LRCH1: variants seen among roughly 807,000 people sequenced by gnomAD.
The protein encoded by LRCH1 is leucine rich repeats and calponin homology domain containing 1.
LRCH1 carries 23 observed loss-of-function variants against 94.9 expected under a neutral mutation model. That is an observed-to-expected ratio of 0.24 (90% confidence interval 0.17 to 0.34). The LOEUF (loss-of-function observed/expected upper bound fraction) is 0.34, where lower values mean the gene tolerates loss of function less well. Among genes scored for constraint, LRCH1 ranks in the 10% least tolerant of loss-of-function variants. The pLI is 1.00. For synonymous variants in LRCH1, 364 were observed against 354.9 expected (o/e 1.03, Z -0.29); for missense variants, 790 against 945.9 (o/e 0.84, Z 2.16).
intron 16 of LRCH1, among the ~76,000 whole-genome samples, chr13:46,720,246 G>T (rs1872536606): frequency 6.6e-6 from 1 of 152,008 alleles, no homozygotes; most frequent in African/African-American, 2.4e-5. Flanking sequence ...ACTTAGCCAG[G>T]CATGGTGGTG....
rs1328294161 is a variant in LRCH1, at chr13:46,742,087, C to G, written c.*239C>G. The stretch of plus-strand genomic sequence containing the variant: ...AACGACGACGACTGCAAAGTGTATG[C>G]ACACCGCATGCTTCCTCATCCACAT... On this transcript the variant is annotated 3_prime_UTR_variant, in exon 20 of 20. Coordinates refer to ENST00000389797, the MANE Select transcript of LRCH1 (RefSeq NM_001164211.2). 5 of 1,367,334 alleles carry G rather than the reference C, an allele frequency of 3.7e-6. No homozygotes were observed. The highest frequency in any genetic ancestry group is 3.1e-5 in the Admixed American group (1 of 32,076). 84.7% of individuals were successfully genotyped at this position (1,367,334 alleles called of 1,614,324 possible). A position where few individuals can be genotyped will look rare whatever the true frequency, so the allele number is the denominator to read the frequency against.
In LRCH1 at chr13:46,699,411, C is replaced by T. The variant is rs1345155960; in HGVS notation, c.1313+8C>T. 2.5e-6 allele frequency: 4 copies of T among 1,612,676 alleles called. No individual in the cohort carries two copies. On this transcript the variant is annotated splice_region_variant and intron_variant, in intron 10 of 19. Transcript: ENST00000389797. ...CTGGCAAACTGAGGGCATGTGAGTG[C>T]CGAGGCCTTGGTTACAAGCCATCAT... is the stretch of plus-strand genomic sequence containing the variant.
intron 19 of LRCH1, among the ~76,000 whole-genome samples, chr13:46,736,991 A>G (rs7329546): frequency 0.013 from 2,001 of 152,318 alleles, 50 homozygotes; most frequent in African/African-American, 0.046. Context: ...AAGCAGATTT[A>G]GTTAAATTAT....
intron 1 of LRCH1, among the ~76,000 whole-genome samples, chr13:46,622,608 C>T (rs1195108941): frequency 6.6e-6 from 1 of 152,122 alleles, no homozygotes; most frequent in African/African-American, 2.4e-5. Flanking sequence ...ACAACTAGTA[C>T]CACTCAAATA....
chr13:46,611,678 A>C (rs901429510), intron 1 of LRCH1, among the ~76,000 whole-genome samples: 54 of 152,240 alleles, frequency 3.5e-4, no homozygotes, highest in Admixed American at 3.0e-3. Context: ...GCTATATTTC[A>C]AAGACTTAGT....
chr13:46,687,079 C>T (rs1870658930), intron 5 of LRCH1, among the ~76,000 whole-genome samples: 1 of 151,572 alleles, frequency 6.6e-6, no homozygotes, highest in East Asian at 1.9e-4. Flanking sequence ...CTGCCTCAGC[C>T]TCCTGAGTAG....
At chr13:46,640,556 G>A (rs138370412) in intron 1 of LRCH1, among the ~76,000 whole-genome samples, 135 of 152,202 alleles carry the variant, frequency 8.9e-4, no homozygotes, top group African/African-American at 3.0e-3. Context: ...TGGGCTCTTT[G>A]TTCTGGAGAA....
At chr13:46,558,648 G>T (rs1194712183) in intron 1 of LRCH1, among the ~76,000 whole-genome samples, 5 of 149,526 alleles carry the variant, frequency 3.3e-5, no homozygotes, top group African/African-American at 4.9e-5. Context: ...CATGAGAATT[G>T]CTTGAACCTG....
At chr13:46,619,295 G>A (rs2138020105) in intron 1 of LRCH1, among the ~76,000 whole-genome samples, 1 of 152,112 alleles carries the variant, frequency 6.6e-6, no homozygotes, top group South Asian at 2.1e-4. Context: ...ATTTTTAGTC[G>A]AGATGGGGTT....
At chr13:46,601,514 AT>A (rs368040439) in intron 1 of LRCH1, among the ~76,000 whole-genome samples, 1 of 152,328 alleles carries the variant, frequency 6.6e-6, no homozygotes, top group East Asian at 1.9e-4. Context: ...TACATAGGTG[AT>A]TTTAAAGGTT....
At chr13:46,662,435 C>T (rs150791131) in intron 2 of LRCH1, among the ~76,000 whole-genome samples, 1 of 152,104 alleles carries the variant, frequency 6.6e-6, no homozygotes, top group African/African-American at 2.4e-5. Flanking sequence ...AATATTTTGG[C>T]TGGTATTACA....
chr13:46,573,866 A>ATATATATATATATATATATTTTT, intron 1 of LRCH1, among the ~76,000 whole-genome samples: 24 of 63,370 alleles, frequency 3.8e-4, no homozygotes, highest in Admixed American at 6.4e-4. Flanking sequence ...ATATATATAT[A>ATATATATATATATATATATTTTT]TTTTTTTTTT....
At chr13:46,734,433 T>C (rs577317486) in intron 19 of LRCH1, among the ~76,000 whole-genome samples, 58 of 152,226 alleles carry the variant, frequency 3.8e-4, no homozygotes, top group Non-Finnish European at 7.1e-4. Context: ...ATTTTCCATA[T>C]GTGGATAAAA....
At chr13:46,565,273 C>T (rs1313006106) in intron 1 of LRCH1, among the ~76,000 whole-genome samples, 4 of 152,164 alleles carry the variant, frequency 2.6e-5, no homozygotes, top group African/African-American at 9.7e-5. Context: ...ACATCAGTAT[C>T]CAGCAAGCTT....
intron 18 of LRCH1, among the ~76,000 whole-genome samples, chr13:46,732,964 C>T (rs920393804): frequency 3.9e-5 from 6 of 152,200 alleles, no homozygotes; most frequent in African/African-American, 1.4e-4. Flanking sequence ...GCAACAGACT[C>T]TGTTTTTGGC....
chr13:46,656,663 C>T (rs1272138598), intron 2 of LRCH1, among the ~76,000 whole-genome samples: 1 of 152,210 alleles, frequency 6.6e-6, no homozygotes. Flanking sequence ...TGGAGTCATC[C>T]AGTGCATACG....
intron 13 of LRCH1, among the ~76,000 whole-genome samples, chr13:46,708,740 T>C (rs764853479): frequency 2.0e-5 from 3 of 152,246 alleles, no homozygotes; most frequent in Non-Finnish European, 4.4e-5. Context: ...ATTTGGAGCT[T>C]CCTCCCATTT....
intron 17 of LRCH1, among the ~76,000 whole-genome samples, chr13:46,726,915 C>A: frequency 7.0e-6 from 1 of 143,448 alleles, no homozygotes; most frequent in African/African-American, 2.5e-5. Context: ...TAAATAGGAT[C>A]CAGAGTCTCA....
At chr13:46,663,524 A>T (rs1476968371) in intron 2 of LRCH1, among the ~76,000 whole-genome samples, 1 of 152,224 alleles carries the variant, frequency 6.6e-6, no homozygotes, top group Non-Finnish European at 1.5e-5. Flanking sequence ...GATATTGTTC[A>T]CTGCTGTGTG....
Sources: allele counts gnomAD v4.1 joint callset (sites outside exome capture counted in the v4.1 genomes callset), GRCh38; gene constraint gnomAD v4.1.1; transcripts MANE v1.5; gene names NCBI Gene and HGNC (gene_info 2026-07-23, HGNC 2026-07-21).